CYP20A1: variants seen among roughly 807,000 people sequenced by gnomAD.
CYP20A1 encodes cytochrome P450 family 20 subfamily A member 1.
In CYP20A1, 61 loss-of-function variants were observed where a neutral mutation model predicts 61.4. That is an observed-to-expected ratio of 0.99 (90% CI 0.81 to 1.23). The LOEUF (loss-of-function observed/expected upper bound fraction) is 1.23, where lower values mean the gene tolerates loss of function less well. CYP20A1 is among the 50% of genes most tolerant of loss of function. CYP20A1 has a pLI of 0.00. For missense variants in CYP20A1, 530 were observed against 542.4 expected (o/e 0.98, Z 0.23); for synonymous variants, 193 against 188.2 (o/e 1.03, Z -0.21).
Position 203,300,171 on chromosome 2 carries a change from G to A in CYP20A1, c.*3263G>A, listed in dbSNP as rs2068964888. ...GGCATAACTGCCAATAAATGAGGCA[G>A]TGTAGAATAACTAATAATGATTGGA... On this transcript the variant is annotated 3_prime_UTR_variant, in exon 13 of 13. Transcript: ENST00000356079. Among the ~76,000 whole-genome samples, 1 of 152,200 alleles carries A rather than the reference G, an allele frequency of 6.6e-6. No homozygotes were observed. The highest frequency in any genetic ancestry group is 2.4e-5 in the African/African-American group (1 of 41,458).
At position 203,258,403 on chromosome 2, in the gene CYP20A1, A is replaced by C. The variant is rs1248504950; in HGVS notation, c.432+6294A>C. ...ACCCTATGTTTAAAAAAAAAAAAAA[A>C]AAAAACGGTTAGTAAATGTTGAATG... On this transcript the variant is annotated intron_variant, in intron 4 of 12. Transcript: ENST00000356079. 3.9e-5 allele frequency among the ~76,000 whole-genome samples: 6 copies of C among 152,172 alleles called. No homozygotes were observed. The East Asian group carries it at 9.6e-4, about 24-fold the overall frequency.
intron 4 of CYP20A1, among the ~76,000 whole-genome samples, chr2:203,260,360 G>A (rs909148386): frequency 6.7e-6 from 1 of 149,954 alleles, no homozygotes; most frequent in Non-Finnish European, 1.5e-5. Context: ...GTAGCTGGAA[G>A]TATAGGCGTG....
In CYP20A1 at chr2:203,245,860, T is replaced by C; in HGVS notation, c.87T>C (p.Ala29=). The stretch of plus-strand genomic sequence containing the variant: ...TTTTTTGTAAGGCTTCCAGACAAGC[T>C]GCAGGAATTCCAGGGATTACTCCAA... ...VLYLYPASRQ[A]AGIPGITPTE... Residue 29 remains alanine, a synonymous_variant, in exon 2 of 13, where the codon GCT becomes GCC. Transcript: ENST00000356079. 1 of 1,603,616 alleles carries C rather than the reference T, an allele frequency of 6.2e-7. No homozygotes were observed. The highest frequency in any genetic ancestry group is 8.5e-7 in the Non-Finnish European group (1 of 1,172,962).
chr2:203,240,404 G>C (rs2066215942), intron 1 of CYP20A1, among the ~76,000 whole-genome samples: 3 of 152,226 alleles, frequency 2.0e-5, no homozygotes, highest in African/African-American at 7.2e-5. Context: ...CTATGTGCCA[G>C]ATATGGTTCC....
chr2:203,270,997 A>G (rs1260901702), intron 5 of CYP20A1, among the ~76,000 whole-genome samples: 5 of 131,920 alleles, frequency 3.8e-5, no homozygotes, highest in African/African-American at 1.4e-4. Context: ...TCGGCCTACT[A>G]TTCATTTTTA....
At chr2:203,287,214 T>TC (rs2068311931) in intron 9 of CYP20A1, among the ~76,000 whole-genome samples, 1 of 25,420 alleles carries the variant, frequency 3.9e-5, no homozygotes, top group Non-Finnish European at 8.8e-5. Flanking sequence ...AGACCCTATC[T>TC]CAAAAAAAAA....
intron 1 of CYP20A1, among the ~76,000 whole-genome samples, chr2:203,242,153 T>C (rs1430222715): frequency 6.6e-6 from 1 of 152,094 alleles, no homozygotes; most frequent in Non-Finnish European, 1.5e-5. Flanking sequence ...AATTTTTTAA[T>C]TTTTTAATTT....
chr2:203,295,071 G>A (rs2068730698), intron 11 of CYP20A1, among the ~76,000 whole-genome samples: 1 of 140,610 alleles, frequency 7.1e-6, no homozygotes, highest in Non-Finnish European at 1.5e-5. Context: ...TCCTGCCTCA[G>A]CCTCCCTAGT....
chr2:203,285,063 A>T (rs1299046235), intron 8 of CYP20A1, among the ~76,000 whole-genome samples: 1 of 152,028 alleles, frequency 6.6e-6, no homozygotes, highest in Non-Finnish European at 1.5e-5. Context: ...TACAGGTGTG[A>T]GCCACCACGT....
At chr2:203,288,456 A>G (rs1040035685) in intron 9 of CYP20A1, among the ~76,000 whole-genome samples, 5 of 151,932 alleles carry the variant, frequency 3.3e-5, no homozygotes, top group African/African-American at 1.2e-4. Flanking sequence ...CCTTTATAAC[A>G]TGTGCTATAC....
rs1040342120 is a variant in CYP20A1 at position 203,301,643 on chromosome 2, C to A, written c.*4735C>A. The stretch of plus-strand genomic sequence containing the variant: ...AACAAAATTTAAGGCAATATTAATT[C>A]TGTGCATGTGTTTGGGAAAATTAAA... On this transcript the variant is annotated 3_prime_UTR_variant, in exon 13 of 13. Coordinates refer to ENST00000356079, the MANE Select transcript of CYP20A1 (RefSeq NM_177538.3). Among the ~76,000 whole-genome samples, 1 of 152,030 alleles carries A rather than the reference C, an allele frequency of 6.6e-6. No individual in the cohort carries two copies. Among genetic ancestry groups the A allele is most frequent in the African/African-American group, 2.4e-5 (1 of 41,400 alleles).
At chr2:203,251,599 G>A (rs181842460) in intron 3 of CYP20A1, among the ~76,000 whole-genome samples, 15 of 150,296 alleles carry the variant, frequency 1.0e-4, no homozygotes, top group Admixed American at 5.4e-4. Context: ...TTGAAACCCC[G>A]TCTCTACTAG....
At chr2:203,256,059 G>A (rs1389647447) in intron 4 of CYP20A1, among the ~76,000 whole-genome samples, 3 of 152,088 alleles carry the variant, frequency 2.0e-5, no homozygotes, top group Non-Finnish European at 4.4e-5. Flanking sequence ...AAATTCCTGG[G>A]CCCACGGGAT....
At chr2:203,240,587 G>T in intron 1 of CYP20A1, among the ~76,000 whole-genome samples, 1 of 152,156 alleles carries the variant, frequency 6.6e-6, no homozygotes. Context: ...CAGGAGATAC[G>T]GAGACATTTG....
In CYP20A1 at chr2:203,303,807, G is replaced by T. The variant is rs571335399; in HGVS notation, c.*6899G>T. Among the ~76,000 whole-genome samples, 66 of 151,460 alleles carry T rather than the reference G, an allele frequency of 4.4e-4. No individual in the cohort carries two copies. Among genetic ancestry groups the T allele is most frequent in the African/African-American group, 1.5e-3 (60 of 41,286 alleles). Reference sequence around the variant, plus strand: ...ATGAGAAAAAAAATAAACCTGGGAGGTGGAGGTTGCAGTGAGTTGAGATTG... The same window carrying T: ...ATGAGAAAAAAAATAAACCTGGGAGTTGGAGGTTGCAGTGAGTTGAGATTG... On this transcript the variant is annotated 3_prime_UTR_variant, in exon 13 of 13. Transcript: ENST00000356079.
At chr2:203,253,986 C>T (rs542486033) in intron 4 of CYP20A1, among the ~76,000 whole-genome samples, 1 of 151,942 alleles carries the variant, frequency 6.6e-6, no homozygotes, top group African/African-American at 2.4e-5. Context: ...CTCACTCTGT[C>T]GCCCAGGCTG....
In CYP20A1 at chr2:203,305,801, G is replaced by A. The variant is rs1177270386; in HGVS notation, c.*8893G>A. Among the ~76,000 whole-genome samples, 1 of 152,102 alleles carries A rather than the reference G, an allele frequency of 6.6e-6. No homozygotes were observed. The highest frequency in any genetic ancestry group is 2.4e-5 in the African/African-American group (1 of 41,418). The stretch of plus-strand genomic sequence containing the variant: ...TAAATGAATGAAATCTTTATTGCCG[G>A]TGTTCTGTGCACATAGAATAAAGGA... On this transcript the variant is annotated 3_prime_UTR_variant, in exon 13 of 13. Coordinates refer to ENST00000356079, the MANE Select transcript of CYP20A1 (RefSeq NM_177538.3).
At chr2:203,294,728 G>A (rs868799739) in intron 11 of CYP20A1, among the ~76,000 whole-genome samples, 6 of 150,768 alleles carry the variant, frequency 4.0e-5, no homozygotes, top group East Asian at 2.0e-4. Flanking sequence ...TCCGCCTCCC[G>A]GGTTCAAGCG....
chr2:203,273,223 A>G (rs1189701029), intron 6 of CYP20A1, among the ~76,000 whole-genome samples: 1 of 152,194 alleles, frequency 6.6e-6, no homozygotes, highest in Non-Finnish European at 1.5e-5. Flanking sequence ...GAGGAAAAAT[A>G]AGTTAGTAAA....
Sources: gnomAD v4.1 joint callset for allele counts (sites outside exome capture counted in the v4.1 genomes callset) on GRCh38, gnomAD v4.1.1 for gene constraint, MANE v1.5 for transcripts, NCBI Gene and HGNC (gene_info 2026-07-23, HGNC 2026-07-21) for gene names.